The following SMAD1 variants were observed in gnomAD, a reference collection of about 807,000 sequenced individuals.
SMAD1 encodes the protein SMAD family member 1, also known as MAD, mothers against decapentaplegic homolog 1.
Under a neutral mutation model 41.6 loss-of-function variants are expected in SMAD1, and 6 were observed. The ratio of observed to expected loss-of-function variants is 0.14; its 90% confidence interval spans 0.08 to 0.28. The LOEUF is 0.28. Ranked by LOEUF, SMAD1 falls within the 10% of genes least tolerant of loss-of-function variation. SMAD1 has a pLI of 1.00. For synonymous variants in SMAD1, 206 were observed against 203.2 expected, an observed-to-expected ratio of 1.01 and a Z score of -0.12; for missense variants, 379 against 582.6, an observed-to-expected ratio of 0.65 and a Z score of 3.60.
intron 2 of SMAD1, among the ~76,000 whole-genome samples, chr4:145,537,420 G>A (rs1731669687): frequency 1.3e-5 from 2 of 152,118 alleles, no homozygotes. Flanking sequence ...TTAAAAATTG[G>A]TGAATCTGGG....
intron 5 of SMAD1, among the ~76,000 whole-genome samples, chr4:145,547,901 C>CT (rs35882080): frequency 0.4 from 60,411 of 151,964 alleles, 13,868 homozygotes; most frequent in Non-Finnish European, 0.53. Context: ...TCTGATCTGC[C>CT]TGCTGAAAGG....
In SMAD1 at chr4:145,511,357, A is replaced by G. The variant is rs548816864; in HGVS notation, c.-176-3081A>G. On this transcript the variant is annotated intron_variant, in intron 1 of 6. Transcript: ENST00000302085. Reference sequence around the variant, plus strand: ...CAGTGGCACAATCATAACACCTATCATAACTCCTAGGCTCAAGCAGTCCTC... The same window carrying G: ...CAGTGGCACAATCATAACACCTATCGTAACTCCTAGGCTCAAGCAGTCCTC... 1.2e-4 allele frequency among the ~76,000 whole-genome samples: 19 copies of G among 152,250 alleles called. 1 individual carries two copies. The South Asian group carries it at 3.9e-3, about 32-fold the overall frequency.
chr4:145,533,470 G>T (rs536823572), intron 2 of SMAD1, among the ~76,000 whole-genome samples: 2 of 152,240 alleles, frequency 1.3e-5, no homozygotes, highest in East Asian at 3.9e-4. Flanking sequence ...AGGATAGCTT[G>T]AGACTAGGAG....
intron 2 of SMAD1, among the ~76,000 whole-genome samples, chr4:145,520,760 T>C (rs1393397009): frequency 6.6e-6 from 1 of 152,222 alleles, no homozygotes; most frequent in African/African-American, 2.4e-5. Flanking sequence ...CTTTAGAGTG[T>C]ACTATCTCTA....
In SMAD1 at chr4:145,557,857, C is replaced by T. The variant is rs746045655; in HGVS notation, c.1321C>T (p.His441Tyr). 3.1e-6 allele frequency: 5 copies of T among 1,612,442 alleles called. No individual in the cohort carries two copies. The highest frequency in any genetic ancestry group is 1.1e-5 in the South Asian group (1 of 90,902). ...CCCCTGCTGGATTGAGATACATCTGCACGGCCCCCTCCAGTGGCTGGATAA... is the reference window on the plus strand; with the variant it reads ...CCCCTGCTGGATTGAGATACATCTGTACGGCCCCCTCCAGTGGCTGGATAA... ...STPCWIEIHLHGPLQWLDKVL... is the reference protein window; with the variant it reads ...STPCWIEIHLYGPLQWLDKVL... The change falls in exon 7 of 7, where the codon CAC becomes TAC. Residue 441 changes from histidine to tyrosine, a missense_variant. Transcript: ENST00000302085.
chr4:145,499,689 G>C (rs867260747), intron 1 of SMAD1, among the ~76,000 whole-genome samples: 1 of 152,048 alleles, frequency 6.6e-6, no homozygotes, highest in Non-Finnish European at 1.5e-5. Context: ...GTTTAGACTT[G>C]GGTCCCATCC....
chr4:145,545,313 G>A (rs2126529793), intron 4 of SMAD1: 1 of 152,286 alleles, frequency 6.6e-6, no homozygotes, highest in East Asian at 1.9e-4. Flanking sequence ...CTCTGACCTA[G>A]ATGAATAGTA....
chr4:145,553,171 A>G (rs1732647869), intron 5 of SMAD1, among the ~76,000 whole-genome samples: 1 of 150,648 alleles, frequency 6.6e-6, no homozygotes, highest in South Asian at 2.1e-4. Flanking sequence ...ATGGCTTCCC[A>G]AAGTGCTGAG....
At chr4:145,500,726 C>G (rs1314468808) in intron 1 of SMAD1, among the ~76,000 whole-genome samples, 1 of 152,090 alleles carries the variant, frequency 6.6e-6, no homozygotes, top group Non-Finnish European at 1.5e-5. Flanking sequence ...TAGTTTTTCT[C>G]TTTTTGTATG....
intron 2 of SMAD1, among the ~76,000 whole-genome samples, chr4:145,521,372 G>T (rs1229801378): frequency 2.0e-5 from 3 of 151,732 alleles, no homozygotes; most frequent in African/African-American, 7.3e-5. Flanking sequence ...ATTATCTTCT[G>T]CACTTTGAAC....
chr4:145,528,579 G>A (rs749528338), intron 2 of SMAD1, among the ~76,000 whole-genome samples: 9 of 152,114 alleles, frequency 5.9e-5, no homozygotes, highest in Non-Finnish European at 1.0e-4. Context: ...TCTCATTTTC[G>A]TGGAATATAT....
chr4:145,548,466 G>A (rs1290626017), intron 5 of SMAD1, among the ~76,000 whole-genome samples: 1 of 152,058 alleles, frequency 6.6e-6, no homozygotes, highest in Admixed American at 6.6e-5. Flanking sequence ...AACCTCAAAC[G>A]ATCAGCCTGC....
chr4:145,488,600 G>C (rs1473455829), intron 1 of SMAD1, among the ~76,000 whole-genome samples: 1 of 151,942 alleles, frequency 6.6e-6, no homozygotes, highest in African/African-American at 2.4e-5. Context: ...AAAAGGTGGG[G>C]GGGAGACTCT....
chr4:145,503,257 G>T (rs997854423), intron 1 of SMAD1, among the ~76,000 whole-genome samples: 11 of 152,130 alleles, frequency 7.2e-5, no homozygotes, highest in Admixed American at 4.6e-4. Flanking sequence ...CTCTCCTGCT[G>T]CTGTGAACTG....
upstream of SMAD1, chr4:145,481,731 GC>G (rs1392095094): frequency 5.5e-6 from 1 of 182,358 alleles, no homozygotes; most frequent in African/African-American, 2.4e-5. Flanking sequence ...CGCGGCAGCG[GC>G]GGCGGCGCGC....
intron 2 of SMAD1, among the ~76,000 whole-genome samples, chr4:145,519,664 A>AAAAAG (rs1553946485): frequency 1.3e-5 from 2 of 148,446 alleles, no homozygotes; most frequent in African/African-American, 2.5e-5. Flanking sequence ...AAAAAAAAAA[A>AAAAAG]AACCCACTTT....
intron 2 of SMAD1, among the ~76,000 whole-genome samples, chr4:145,536,002 TAAAG>T (rs1476016472): frequency 6.6e-6 from 1 of 150,916 alleles, no homozygotes; most frequent in East Asian, 1.9e-4. Context: ...AAAAAAAAAT[TAAAG>T]AGAATAAACC....
upstream of SMAD1, among the ~76,000 whole-genome samples, chr4:145,480,797 A>G (rs1313564460): frequency 6.6e-6 from 1 of 152,226 alleles, no homozygotes; most frequent in African/African-American, 2.4e-5. Context: ...CAACTGCGTC[A>G]AACGCTGCTT....
intron 1 of SMAD1, among the ~76,000 whole-genome samples, chr4:145,488,476 T>TGTGTG (rs1728606392): frequency 6.7e-6 from 1 of 148,620 alleles, no homozygotes; most frequent in Non-Finnish European, 1.5e-5. Context: ...CCCTGTCTTT[T>TGTGTG]TGTGTGTGTG....
Sources: allele counts gnomAD v4.1 joint callset (sites outside exome capture counted in the v4.1 genomes callset), GRCh38; gene constraint gnomAD v4.1.1; transcripts MANE v1.5; gene names NCBI Gene and HGNC (gene_info 2026-07-23, HGNC 2026-07-21).